Variants in HECW2 observed in about 807,000 individuals in gnomAD.
HECW2 encodes E3 ubiquitin-protein ligase HECW2.
Under a neutral mutation model 175.2 loss-of-function variants are expected in HECW2, and 61 were observed. That is an observed-to-expected ratio of 0.35 (90% CI 0.28 to 0.43). The LOEUF is 0.43. HECW2 is among the 20% of genes least tolerant of loss of function. HECW2 has a pLI of 1.00. For synonymous variants in HECW2, 671 were observed against 731.0 expected (o/e 0.92, Z 1.32); for missense variants, 1,524 against 2,000.5 (o/e 0.76, Z 4.54).
intron 17 of HECW2, among the ~76,000 whole-genome samples, chr2:196,270,858 GC>G (rs1349007505): frequency 2.0e-5 from 3 of 152,030 alleles, no homozygotes; most frequent in African/African-American, 7.2e-5. Flanking sequence ...ACCATGCTCA[GC>G]TAGTTTTTGT....
At chr2:196,217,303 T>A (rs1286998853) in intron 26 of HECW2, 6 of 413,164 alleles carry the variant, frequency 1.5e-5, no homozygotes, top group Non-Finnish European at 2.6e-5. Context: ...AACCAAGAGG[T>A]CTCTGTTTTC....
chr2:196,257,195 A>T (rs1689090007), intron 18 of HECW2, among the ~76,000 whole-genome samples: 1 of 152,162 alleles, frequency 6.6e-6, no homozygotes, highest in African/African-American at 2.4e-5. Context: ...TAAAAAAATG[A>T]GAAAGTCTTT....
At chr2:196,523,428 T>C (rs904830187) in intron 1 of HECW2, among the ~76,000 whole-genome samples, 13 of 151,874 alleles carry the variant, frequency 8.6e-5, no homozygotes, top group South Asian at 6.2e-4. Flanking sequence ...CAAACAGGGA[T>C]AATTTGACTT....
At chr2:196,522,112 G>A (rs1321613764) in intron 1 of HECW2, among the ~76,000 whole-genome samples, 3 of 152,160 alleles carry the variant, frequency 2.0e-5, no homozygotes, top group African/African-American at 7.2e-5. Flanking sequence ...GTGTAAAAGT[G>A]TTCCTATTTC....
At chr2:196,414,184 G>A (rs947384879) in intron 2 of HECW2, among the ~76,000 whole-genome samples, 49 of 152,290 alleles carry the variant, frequency 3.2e-4, no homozygotes, top group African/African-American at 8.7e-4. Context: ...TTCTCTCCAG[G>A]GGACTTGAGC....
intron 2 of HECW2, among the ~76,000 whole-genome samples, chr2:196,344,322 G>GAAA (rs60573890): frequency 0.029 from 1,979 of 67,176 alleles, 77 homozygotes; most frequent in African/African-American, 0.063. Flanking sequence ...GACAAGATAA[G>GAAA]AAAAAAAAAA....
At chr2:196,484,774 C>G (rs1686947187) in intron 1 of HECW2, among the ~76,000 whole-genome samples, 1 of 152,174 alleles carries the variant, frequency 6.6e-6, no homozygotes, top group South Asian at 2.1e-4. Context: ...GTTCATACTT[C>G]ATTCACTCCA....
intron 1 of HECW2, among the ~76,000 whole-genome samples, chr2:196,478,256 G>C (rs1440612781): frequency 6.6e-6 from 1 of 152,172 alleles, no homozygotes; most frequent in Non-Finnish European, 1.5e-5. Flanking sequence ...CCTGATCTAG[G>C]CTCTGAGGAG....
chr2:196,329,492 A>G lies in HECW2; in HGVS notation c.571+83T>C, dbSNP rs1692277910. ...TTCACATATCATCATATCATATACG[A>G]AAGTCTGCAGAAAGAAGTGACTATT... On this transcript the variant is annotated intron_variant, in intron 5 of 28. Coordinates refer to ENST00000644978, the MANE Select transcript of HECW2 (RefSeq NM_001348768.2). 7 of 1,126,316 alleles carry G rather than the reference A, an allele frequency of 6.2e-6. No homozygotes were observed. The South Asian group carries it at 6.4e-5, about 10-fold the overall frequency. The allele number at this position is 1,126,316 out of a possible 1,614,324, so 69.8% of individuals were successfully genotyped here.
At chr2:196,447,320 G>T (rs909656879) in intron 1 of HECW2, among the ~76,000 whole-genome samples, 1 of 152,096 alleles carries the variant, frequency 6.6e-6, no homozygotes, top group Non-Finnish European at 1.5e-5. Flanking sequence ...ACGATGAACT[G>T]AAGACGTAAA....
intron 1 of HECW2, among the ~76,000 whole-genome samples, chr2:196,480,586 T>G (rs1371929626): frequency 6.6e-6 from 1 of 152,188 alleles, no homozygotes; most frequent in Non-Finnish European, 1.5e-5. Flanking sequence ...GTCCGTGAGT[T>G]TTCTTCAAGA....
rs183107625 is a variant in HECW2 at position 196,195,096 on chromosome 2, A to T, written c.*6181T>A. The T allele has an allele frequency of 6.6e-6, 1 of 152,336 alleles. No individual in the cohort carries two copies. The highest frequency in any genetic ancestry group is 1.9e-4 in the East Asian group (1 of 5,194). 9.4% of individuals were successfully genotyped at this position (152,336 alleles called of 1,614,324 possible). On this transcript the variant is annotated 3_prime_UTR_variant, in exon 29 of 29. Transcript: ENST00000644978. The stretch of plus-strand genomic sequence containing the variant: ...ATATTAACAGCCCCAAATTTTACTT[A>T]TGCTATCATATAAAGAAAAATAGGT...
At chr2:196,488,696 G>A (rs180957669) in intron 1 of HECW2, among the ~76,000 whole-genome samples, 537 of 151,966 alleles carry the variant, frequency 3.5e-3, no homozygotes, top group African/African-American at 0.012. Context: ...CTCTAAGGGG[G>A]AAAGGAATAA....
At chr2:196,307,019 C>T in intron 12 of HECW2, 111 bp downstream of exon 12, 1 of 681,048 alleles carries the variant, frequency 1.5e-6, no homozygotes, top group Non-Finnish European at 2.5e-6. Context: ...ATTACCAGAT[C>T]TTATTGAAGA....
At chr2:196,521,098 T>C (rs960696194) in intron 1 of HECW2, among the ~76,000 whole-genome samples, 1 of 152,058 alleles carries the variant, frequency 6.6e-6, no homozygotes, top group African/African-American at 2.4e-5. Flanking sequence ...TAGTAGGTAC[T>C]ATCATTCCAT....
chr2:196,273,105 G>GT (rs2105968714), intron 16 of HECW2, among the ~76,000 whole-genome samples: 1 of 125,748 alleles, frequency 8.0e-6, no homozygotes, highest in Non-Finnish European at 1.6e-5. Context: ...GTCTTGCTCT[G>GT]TCCCTAGGCT....
In HECW2 at chr2:196,375,659, GA is replaced by G. The variant is rs531917609; in HGVS notation, c.293-31896del. ...GATTATTAGTGGGAACACAACAGTG[GA>G]AAAAGATGTGGATATTGGTATCATG... On this transcript the variant is annotated intron_variant, in intron 2 of 28. Coordinates refer to ENST00000644978, the MANE Select transcript of HECW2 (RefSeq NM_001348768.2). Among the ~76,000 whole-genome samples, 954 of 152,276 alleles carry G rather than the reference GA, an allele frequency of 6.3e-3. 5 individuals carry two copies. Among genetic ancestry groups the G allele is most frequent in the Non-Finnish European group, 9.8e-3 (664 of 68,012 alleles).
chr2:196,265,642 CCTT>C (rs150320178), intron 17 of HECW2, among the ~76,000 whole-genome samples: 5,623 of 152,118 alleles, frequency 0.037, 193 homozygotes, highest in East Asian at 0.16. Context: ...TAAACTGAGT[CCTT>C]CTGATAGAAC....
intron 2 of HECW2, among the ~76,000 whole-genome samples, chr2:196,429,736 C>T (rs181366678): frequency 1.9e-4 from 29 of 152,102 alleles, no homozygotes; most frequent in Admixed American, 3.9e-4. Context: ...AAGCTAGAGT[C>T]CATAGCAGTT....
Sources: gnomAD v4.1 joint callset for allele counts (sites outside exome capture counted in the v4.1 genomes callset) on GRCh38, gnomAD v4.1.1 for gene constraint, MANE v1.5 for transcripts, NCBI Gene and HGNC (gene_info 2026-07-23, HGNC 2026-07-21) for gene names.